The following WDR73 variants were observed in gnomAD, a reference collection of about 807,000 sequenced individuals.
The protein encoded by WDR73 is WD repeat domain 73.
A neutral mutation model predicts 38.2 loss-of-function variants in WDR73; 30 were observed. That is an observed-to-expected ratio of 0.79 (90% CI 0.59 to 1.06). WDR73 has a LOEUF of 1.06. Among genes scored for constraint, WDR73 ranks in the 50% least tolerant of loss-of-function variants. The pLI is 0.00. For synonymous variants in WDR73, 197 were observed against 176.0 expected (o/e 1.12, Z -0.94); for missense variants, 487 against 467.0 (o/e 1.04, Z -0.40).
chr15:84,643,261 T>C lies in WDR73; in HGVS notation c.*209A>G. On this transcript the variant is annotated 3_prime_UTR_variant, in exon 8 of 8. Coordinates refer to ENST00000434634, the MANE Select transcript of WDR73 (RefSeq NM_032856.5). ...CTACCAAGTAATTATGCCATGCGTT[T>C]CTTCTAACCTTCGCAATATCACTAC... 1 of 601,210 alleles carries C rather than the reference T, an allele frequency of 1.7e-6. No individual in the cohort carries two copies. The allele number at this position is 601,210 out of a possible 1,614,324, so 37.2% of individuals were successfully genotyped here.
rs1342568349 is a variant in WDR73, at chr15:84,640,799, T to C, written c.*2671A>G. On this transcript the variant is annotated 3_prime_UTR_variant, in exon 8 of 8. Transcript: ENST00000434634. Reference sequence around the variant, plus strand: ...ACCAGTCTGCCATTTAAAAGGTTTGTTGTTCTTGGGCAACCTCTTTAAATA... The same window carrying C: ...ACCAGTCTGCCATTTAAAAGGTTTGCTGTTCTTGGGCAACCTCTTTAAATA... 6.6e-6 allele frequency: 1 copy of C among 152,222 alleles called. No individual in the cohort carries two copies. Among genetic ancestry groups the C allele is most frequent in the East Asian group, 1.9e-4 (1 of 5,202 alleles). The allele number at this position is 152,222 out of a possible 1,614,324, so 9.4% of individuals were successfully genotyped here.
rs993324027 is a variant in WDR73 at position 84,643,690 on chromosome 15, G to A, written c.917C>T (p.Thr306Ile). ...FDGTVQVYDATSWDGTRSQDG... is the reference protein window; with the variant it reads ...FDGTVQVYDAISWDGTRSQDG... ...TTGGCTCCGTGTTCCATCCCAAGAT[G>A]TGGCATCATAGACCTGGACTGTACC... Residue 306 changes from threonine to isoleucine, a missense_variant, in exon 8 of 8, where the codon ACA becomes ATA. Transcript: ENST00000434634. 1 of 1,612,962 alleles carries A rather than the reference G, an allele frequency of 6.2e-7. No homozygotes were observed. Among genetic ancestry groups the A allele is most frequent in the African/African-American group, 1.3e-5 (1 of 75,012 alleles).
chr15:84,645,447 A>C, intron 7 of WDR73, 24 bp downstream of exon 7: 1 of 1,609,934 alleles, frequency 6.2e-7, no homozygotes, highest in Non-Finnish European at 8.5e-7. Context: ...TCAGATAACA[A>C]GACGAAATCC....
In WDR73 at chr15:84,640,816, C is replaced by T. The variant is rs1314038961; in HGVS notation, c.*2654G>A. ...AAGGTTTGTTGTTCTTGGGCAACCT[C>T]TTTAAATACCCTTAGCCTCCATTTT... On this transcript the variant is annotated 3_prime_UTR_variant, in exon 8 of 8. Coordinates refer to ENST00000434634, the MANE Select transcript of WDR73 (RefSeq NM_032856.5). 1 of 152,182 alleles carries T rather than the reference C, an allele frequency of 6.6e-6. No homozygotes were observed. Among genetic ancestry groups the T allele is most frequent in the Non-Finnish European group, 1.5e-5 (1 of 68,038 alleles). The allele number at this position is 152,182 out of a possible 1,614,324, so 9.4% of individuals were successfully genotyped here.
chr15:84,651,961 G>A (rs1046613796), intron 3 of WDR73, among the ~76,000 whole-genome samples: 3 of 152,036 alleles, frequency 2.0e-5, no homozygotes, highest in Non-Finnish European at 2.9e-5. Flanking sequence ...TCCGCCTCCC[G>A]GGTTCAAGCA....
intron 2 of WDR73, chr15:84,653,033 C>G (rs2141847070): frequency 2.5e-6 from 1 of 406,000 alleles, no homozygotes; most frequent in East Asian, 4.0e-5. Context: ...ATCCTCCCAC[C>G]ACAGCCTTCA....
chr15:84,641,435 A>G lies in WDR73; in HGVS notation c.*2035T>C, dbSNP rs1012618079. 6.6e-6 allele frequency: 1 copy of G among 152,214 alleles called. No individual in the cohort carries two copies. The highest frequency in any genetic ancestry group is 2.4e-5 in the African/African-American group (1 of 41,462). The allele number at this position is 152,214 out of a possible 1,614,324, so 9.4% of individuals were successfully genotyped here. On this transcript the variant is annotated 3_prime_UTR_variant, in exon 8 of 8. Coordinates refer to ENST00000434634, the MANE Select transcript of WDR73 (RefSeq NM_032856.5). ...TTGAGAAGCAGGTGGCACCCAGGAA[A>G]GCCTGTTCCCCTAAGTAAGTTTGAA...
At position 84,645,678 on chromosome 15, in the gene WDR73, A is replaced by G. The variant is rs1896428223; in HGVS notation, c.676T>C (p.Trp226Arg). ...SPGPGSGGERWCAEVGSWGQG... is the reference protein window; with the variant it reads ...SPGPGSGGERRCAEVGSWGQG... ...CCCCAGCTCCCAACTTCAGCACACC[A>G]TCTCTCTCCACCAGACCCAGGGCCA... The change falls in exon 7 of 8, where the codon TGG (tryptophan) becomes CGG (arginine). Residue 226 changes from tryptophan to arginine, a missense_variant. By Grantham distance (101) the Trp-to-Arg change is moderately radical. Coordinates refer to ENST00000434634, the MANE Select transcript of WDR73 (RefSeq NM_032856.5). 6.2e-7 allele frequency: 1 copy of G among 1,608,444 alleles called. No homozygotes were observed. The highest frequency in any genetic ancestry group is 1.3e-5 in the African/African-American group (1 of 74,724).
chr15:84,652,816 C>T lies in WDR73; in HGVS notation c.110-14G>A, dbSNP rs536733807. On this transcript the variant is annotated splice_polypyrimidine_tract_variant and intron_variant, in intron 2 of 7. Coordinates refer to ENST00000434634, the MANE Select transcript of WDR73 (RefSeq NM_032856.5). ...CAACAAAGACTCCTGGAAAAAGAAGCAGAGGTAGCTGTCACAAATTGTTAG... is the reference window on the plus strand; with the variant it reads ...CAACAAAGACTCCTGGAAAAAGAAGTAGAGGTAGCTGTCACAAATTGTTAG... 21 of 1,486,748 alleles carry T rather than the reference C, an allele frequency of 1.4e-5. No individual in the cohort carries two copies. In the South Asian group the frequency reaches 2.5e-4, roughly 18 times the overall value. The allele number at this position is 1,486,748 out of a possible 1,614,324, so 92.1% of individuals were successfully genotyped here.
At chr15:84,646,004 C>G (rs762518216) in intron 6 of WDR73, 168 bp from the exon 7 acceptor site, 15 of 1,541,912 alleles carry the variant, frequency 9.7e-6, no homozygotes, top group Non-Finnish European at 2.6e-6. Context: ...GGTGCTGGTC[C>G]CTGGGACTGC....
chr15:84,648,113 G>A (rs1035407448), intron 4 of WDR73, 159 bp from the exon 5 acceptor site: 20 of 684,484 alleles, frequency 2.9e-5, no homozygotes, highest in Non-Finnish European at 5.0e-5. Flanking sequence ...CAGATAAGGA[G>A]CAGGCTCAAT....
At chr15:84,645,119 T>G (rs894014648) in intron 7 of WDR73, 12 of 974,718 alleles carry the variant, frequency 1.2e-5, no homozygotes, top group Non-Finnish European at 1.5e-5. Flanking sequence ...CCTGGCTAAT[T>G]TTTTGTATTT....
chr15:84,647,490 A>G (rs1351483347), intron 5 of WDR73: 1 of 185,276 alleles, frequency 5.4e-6, no homozygotes. Flanking sequence ...CCTGGCTCTG[A>G]GTCTACTACT....
intron 3 of WDR73, among the ~76,000 whole-genome samples, chr15:84,652,091 C>T (rs951406748): frequency 2.0e-5 from 3 of 152,174 alleles, no homozygotes; most frequent in African/African-American, 7.2e-5. Flanking sequence ...TGGTCCCGAA[C>T]TCCTGACCTC....
intron 3 of WDR73, 72 bp downstream of exon 3, chr15:84,652,642 A>C (rs765533565): frequency 1.1e-6 from 1 of 930,960 alleles, no homozygotes; most frequent in Non-Finnish European, 1.6e-6. Flanking sequence ...TACCTGGTAG[A>C]TAACAGGAGC....
chr15:84,642,006 T>G lies in WDR73; in HGVS notation c.*1464A>C, dbSNP rs1346493929. On this transcript the variant is annotated 3_prime_UTR_variant, in exon 8 of 8. Coordinates refer to ENST00000434634, the MANE Select transcript of WDR73 (RefSeq NM_032856.5). Reference sequence around the variant, plus strand: ...ATGAGCCACATGCTTGACCTGAATTTTAACTGCAGTTAATTATCACTTAAC... The same window carrying G: ...ATGAGCCACATGCTTGACCTGAATTGTAACTGCAGTTAATTATCACTTAAC... 3 of 151,976 alleles carry G rather than the reference T, an allele frequency of 2.0e-5. No individual in the cohort carries two copies. Among genetic ancestry groups the G allele is most frequent in the Non-Finnish European group, 2.9e-5 (2 of 67,978 alleles). 9.4% of individuals were successfully genotyped at this position (151,976 alleles called of 1,614,324 possible).
At chr15:84,646,125 G>T (rs762823730) in intron 6 of WDR73, 59 bp downstream of exon 6, 14 of 1,609,814 alleles carry the variant, frequency 8.7e-6, no homozygotes, top group African/African-American at 1.3e-5. Flanking sequence ...TAGTGGCTGA[G>T]TTGGGCTGGG....
At chr15:84,652,873 A>G (rs938520362) in intron 2 of WDR73, 71 bp from the exon 3 acceptor site, 13 of 909,812 alleles carry the variant, frequency 1.4e-5, no homozygotes, top group Admixed American at 2.8e-5. Flanking sequence ...CCCCCGAAGT[A>G]AGGATACATT....
chr15:84,646,433 T>G (rs1363090583), intron 5 of WDR73, 85 bp from the exon 6 acceptor site: 5 of 1,513,968 alleles, frequency 3.3e-6, no homozygotes, highest in Non-Finnish European at 4.4e-6. Flanking sequence ...CCCCTGTACA[T>G]TTAGAAGATC....
Sources: gnomAD v4.1 joint callset for allele counts (sites outside exome capture counted in the v4.1 genomes callset) on GRCh38, gnomAD v4.1.1 for gene constraint, MANE v1.5 for transcripts, NCBI Gene and HGNC (gene_info 2026-07-23, HGNC 2026-07-21) for gene names.